The following CNOT6 variants were observed in gnomAD, a reference collection of about 807,000 sequenced individuals.
CNOT6 encodes CCR4-NOT transcription complex subunit 6, also known as carbon catabolite repression 4 protein.
Under a neutral mutation model 61.2 loss-of-function variants are expected in CNOT6, and 12 were observed. The ratio of observed to expected loss-of-function variants is 0.20; its 90% CI spans 0.13 to 0.32. The LOEUF (loss-of-function observed/expected upper bound fraction) is 0.32, where lower values mean the gene tolerates loss of function less well. Among genes scored for constraint, CNOT6 ranks in the 10% least tolerant of loss-of-function variants. The pLI is 1.00. For synonymous variants in CNOT6, 225 were observed against 240.6 expected (o/e 0.94, Z 0.60); for missense variants, 405 against 663.9 (o/e 0.61, Z 4.28).
intron 1 of CNOT6, among the ~76,000 whole-genome samples, chr5:180,521,057 A>T (rs1365835977): frequency 6.6e-6 from 1 of 151,950 alleles, no homozygotes; most frequent in Non-Finnish European, 1.5e-5. Flanking sequence ...GTTGCTGGTC[A>T]CGAACTCCCG....
chr5:180,498,195 T>G (rs1756701949), intron 1 of CNOT6, among the ~76,000 whole-genome samples: 2 of 152,182 alleles, frequency 1.3e-5, no homozygotes, highest in Admixed American at 6.5e-5. Context: ...AGGACTCATT[T>G]AGGCTGTCTC....
At chr5:180,496,395 G>A (rs1756615782) in intron 1 of CNOT6, among the ~76,000 whole-genome samples, 1 of 152,198 alleles carries the variant, frequency 6.6e-6, no homozygotes, top group Admixed American at 6.5e-5. Context: ...GAAAGGACCG[G>A]GTTTGTGTGC....
At chr5:180,564,352 A>C in intron 4 of CNOT6, 137 bp from the exon 5 acceptor site, 1 of 648,724 alleles carries the variant, frequency 1.5e-6, no homozygotes. Flanking sequence ...AACTGAAAAA[A>C]CAATATTTTC....
At chr5:180,532,691 C>G (rs1440248555) in intron 2 of CNOT6, among the ~76,000 whole-genome samples, 2 of 152,248 alleles carry the variant, frequency 1.3e-5, no homozygotes, top group Non-Finnish European at 2.9e-5. Flanking sequence ...ACTCAGTCCC[C>G]AAGACTGCCC....
intron 9 of CNOT6, among the ~76,000 whole-genome samples, chr5:180,568,591 A>C (rs1760588083): frequency 6.6e-6 from 1 of 151,598 alleles, no homozygotes; most frequent in African/African-American, 2.4e-5. Context: ...TAAATACATA[A>C]AATAATTATT....
intron 1 of CNOT6, among the ~76,000 whole-genome samples, chr5:180,514,792 C>CG (rs1315251728): frequency 6.6e-6 from 1 of 152,172 alleles, no homozygotes; most frequent in Non-Finnish European, 1.5e-5. Context: ...GTAAAGAAAA[C>CG]TTCCTTAAGA....
intron 1 of CNOT6, among the ~76,000 whole-genome samples, chr5:180,509,074 C>T (rs1757265230): frequency 2.0e-5 from 3 of 152,142 alleles, no homozygotes; most frequent in Non-Finnish European, 4.4e-5. Flanking sequence ...CCTGCATTGG[C>T]CTCCCAAAGT....
chr5:180,509,890 G>A (rs569308537), intron 1 of CNOT6, among the ~76,000 whole-genome samples: 18 of 147,972 alleles, frequency 1.2e-4, no homozygotes, highest in African/African-American at 4.2e-4. Flanking sequence ...AATTCATATG[G>A]TTTGCTTTGG....
chr5:180,532,726 A>G (rs1468269225), intron 2 of CNOT6, among the ~76,000 whole-genome samples: 1 of 152,104 alleles, frequency 6.6e-6, no homozygotes, highest in Non-Finnish European at 1.5e-5. Flanking sequence ...CACCAGTCCC[A>G]TGTTTGGGCC....
At chr5:180,522,797 C>T (rs77969631) in intron 1 of CNOT6, among the ~76,000 whole-genome samples, 2,221 of 152,208 alleles carry the variant, frequency 0.015, 47 homozygotes, top group African/African-American at 0.051. Flanking sequence ...TGGGAGAGGG[C>T]ATGGAAGCTC....
chr5:180,541,137 T>G (rs1310139951), intron 2 of CNOT6, among the ~76,000 whole-genome samples: 1 of 151,928 alleles, frequency 6.6e-6, no homozygotes, highest in Non-Finnish European at 1.5e-5. Flanking sequence ...TAAATTAAAT[T>G]AAGAATTTTT....
At chr5:180,547,011 T>A (rs2127740626) in intron 2 of CNOT6, among the ~76,000 whole-genome samples, 1 of 152,326 alleles carries the variant, frequency 6.6e-6, no homozygotes, top group East Asian at 1.9e-4. Context: ...TATTCAATGT[T>A]TTAAATTTTG....
chr5:180,570,730 A>G (rs1366548942), intron 10 of CNOT6, among the ~76,000 whole-genome samples: 1 of 152,244 alleles, frequency 6.6e-6, no homozygotes, highest in Non-Finnish European at 1.5e-5. Flanking sequence ...GTAAATTGGG[A>G]AAATACTTCA....
intron 4 of CNOT6, among the ~76,000 whole-genome samples, chr5:180,557,277 T>G (rs1759945775): frequency 6.6e-6 from 1 of 152,208 alleles, no homozygotes; most frequent in African/African-American, 2.4e-5. Context: ...GTGCAGTTAC[T>G]GGGTCATTTG....
intron 4 of CNOT6, among the ~76,000 whole-genome samples, chr5:180,561,933 A>G (rs541717016): frequency 3.9e-5 from 6 of 152,312 alleles, no homozygotes; most frequent in African/African-American, 9.6e-5. Context: ...CCACTTGCTC[A>G]TGCTGGCATG....
chr5:180,534,452 G>A (rs181042717), intron 2 of CNOT6: 2 of 162,012 alleles, frequency 1.2e-5, no homozygotes, highest in East Asian at 1.7e-4. Context: ...GATCACACAC[G>A]TAGCTGACAA....
At chr5:180,514,490 A>G (rs1757545694) in intron 1 of CNOT6, among the ~76,000 whole-genome samples, 1 of 152,194 alleles carries the variant, frequency 6.6e-6, no homozygotes, top group Non-Finnish European at 1.5e-5. Flanking sequence ...TGGCTTTAGG[A>G]AGAATAATCT....
chr5:180,556,442 G>A (rs934233003), intron 4 of CNOT6, among the ~76,000 whole-genome samples: 3 of 152,180 alleles, frequency 2.0e-5, no homozygotes, highest in Admixed American at 1.3e-4. Flanking sequence ...ATAAGTATTC[G>A]AGGTGGTGGA....
chr5:180,571,472 T>C (rs775113235), intron 11 of CNOT6, 40 bp downstream of exon 11: 67 of 1,421,372 alleles, frequency 4.7e-5, no homozygotes, highest in Non-Finnish European at 6.1e-5. Flanking sequence ...ACCTGTCTTT[T>C]ACTGGCAGGT....
Sources: gnomAD v4.1 joint callset for allele counts (sites outside exome capture counted in the v4.1 genomes callset) on GRCh38, gnomAD v4.1.1 for gene constraint, MANE v1.5 for transcripts, NCBI Gene and HGNC (gene_info 2026-07-23, HGNC 2026-07-21) for gene names.